The following MGMT variants were observed in gnomAD, a reference collection of about 807,000 sequenced individuals.
MGMT encodes O-6-methylguanine-DNA methyltransferase, also known as methylated-DNA--protein-cysteine methyltransferase.
Under a neutral mutation model 15.9 loss-of-function variants are expected in MGMT, and 14 were observed. That is an observed-to-expected ratio of 0.88 (90% confidence interval 0.58 to 1.37). The LOEUF (loss-of-function observed/expected upper bound fraction) is 1.37, where lower values mean the gene tolerates loss of function less well. Among genes scored for constraint, MGMT ranks in the 40% most tolerant of loss-of-function variants. MGMT has a pLI of 0.00. For missense variants in MGMT, 282 were observed against 268.1 expected (o/e 1.05, Z -0.36); for synonymous variants, 130 against 118.2 (o/e 1.10, Z -0.65).
At chr10:129,654,817 T>TG (rs1044277774) in intron 2 of MGMT, among the ~76,000 whole-genome samples, 12 of 151,714 alleles carry the variant, frequency 7.9e-5, no homozygotes, top group African/African-American at 2.7e-4. Flanking sequence ...TACCTGAGGG[T>TG]GGGGGGCTGT....
At chr10:129,683,449 C>G (rs1034096867) in intron 2 of MGMT, among the ~76,000 whole-genome samples, 2 of 152,092 alleles carry the variant, frequency 1.3e-5, no homozygotes, top group Admixed American at 1.3e-4. Context: ...TTAAGAATAG[C>G]CAAAGAGAAA....
rs185221406 is a variant in MGMT, at chr10:129,500,285, G to A, written c.-13+32989G>A. On this transcript the variant is annotated intron_variant, in intron 1 of 4. Coordinates refer to ENST00000651593, the MANE Select transcript of MGMT (RefSeq NM_002412.5). ...TGTGCTGTGGTGGGGTGAACTGGGC[G>A]GGGGATTCACACCAGCCTGGGCCCT... 1.0e-3 allele frequency among the ~76,000 whole-genome samples: 159 copies of A among 152,260 alleles called. 1 individual carries two copies. Among genetic ancestry groups the A allele is most frequent in the African/African-American group, 3.3e-3 (138 of 41,560 alleles).
intron 2 of MGMT, among the ~76,000 whole-genome samples, chr10:129,626,225 A>G (rs1847147466): frequency 6.6e-6 from 1 of 152,176 alleles, no homozygotes; most frequent in Non-Finnish European, 1.5e-5. Context: ...GGGATCAGGA[A>G]CATTTAGTAG....
intron 2 of MGMT, among the ~76,000 whole-genome samples, chr10:129,648,903 C>CTT (rs1197001270): frequency 6.6e-6 from 1 of 152,132 alleles, no homozygotes; most frequent in African/African-American, 2.4e-5. Context: ...TGGACACCAC[C>CTT]GCTTAAGCCC....
At chr10:129,528,645 G>T (rs1589851756) in intron 1 of MGMT, among the ~76,000 whole-genome samples, 1 of 152,032 alleles carries the variant, frequency 6.6e-6, no homozygotes, top group Non-Finnish European at 1.5e-5. Flanking sequence ...GTGGAGACTA[G>T]CCATGGAGAA....
chr10:129,525,122 TCA>T (rs895674339), intron 1 of MGMT, among the ~76,000 whole-genome samples: 1 of 151,798 alleles, frequency 6.6e-6, no homozygotes, highest in Non-Finnish European at 1.5e-5. Context: ...TCTATTTCTT[TCA>T]CACACACACA....
At chr10:129,728,081 G>T (rs543724295) in intron 3 of MGMT, among the ~76,000 whole-genome samples, 124 of 152,288 alleles carry the variant, frequency 8.1e-4, no homozygotes, top group African/African-American at 2.7e-3. Context: ...AGCCAGGCTG[G>T]ACTTGAACAG....
rs1000671934 is a variant in MGMT at position 129,488,524 on chromosome 10, C to T, written c.-13+21228C>T. On this transcript the variant is annotated intron_variant, in intron 1 of 4. Transcript: ENST00000651593. ...CAGTTTGTGGCCATGTTTTCATTCT[C>T]TTTATAGTGCCTTTTGATGGACAGG... 2.6e-5 allele frequency among the ~76,000 whole-genome samples: 4 copies of T among 152,276 alleles called. No homozygotes were observed. The East Asian group carries it at 7.7e-4, about 29-fold the overall frequency.
At chr10:129,472,987 G>T (rs997785359) in intron 1 of MGMT, among the ~76,000 whole-genome samples, 1 of 152,210 alleles carries the variant, frequency 6.6e-6, no homozygotes, top group Non-Finnish European at 1.5e-5. Flanking sequence ...AAAGGTTCAG[G>T]TGTGCCACAT....
At chr10:129,589,492 G>T (rs1001033996) in intron 2 of MGMT, among the ~76,000 whole-genome samples, 1 of 152,226 alleles carries the variant, frequency 6.6e-6, no homozygotes, top group Non-Finnish European at 1.5e-5. Flanking sequence ...GAAATAAAAT[G>T]TTGACATTTA....
At chr10:129,609,771 G>A (rs1446779205) in intron 2 of MGMT, among the ~76,000 whole-genome samples, 1 of 152,198 alleles carries the variant, frequency 6.6e-6, no homozygotes, top group Non-Finnish European at 1.5e-5. Context: ...GAGAGCGGAA[G>A]AGCAGGAGGA....
At chr10:129,499,428 G>A (rs990012500) in intron 1 of MGMT, among the ~76,000 whole-genome samples, 4 of 152,180 alleles carry the variant, frequency 2.6e-5, no homozygotes, top group African/African-American at 9.7e-5. Flanking sequence ...ATCCATGTTG[G>A]ATGTGGAAAA....
intron 2 of MGMT, among the ~76,000 whole-genome samples, chr10:129,548,339 T>C (rs1246728969): frequency 6.6e-6 from 1 of 152,226 alleles, no homozygotes; most frequent in South Asian, 2.1e-4. Context: ...TGTTTATCAT[T>C]CTTCTGAATT....
chr10:129,518,674 T>C (rs933379713), intron 1 of MGMT, among the ~76,000 whole-genome samples: 3 of 141,104 alleles, frequency 2.1e-5, no homozygotes, highest in African/African-American at 8.1e-5. Flanking sequence ...TAGGATTGTC[T>C]TAATAACTTT....
intron 1 of MGMT, among the ~76,000 whole-genome samples, chr10:129,491,274 C>T (rs1290522260): frequency 6.6e-6 from 1 of 152,116 alleles, no homozygotes; most frequent in African/African-American, 2.4e-5. Flanking sequence ...ATATGACATT[C>T]CATCGTCTTC....
chr10:129,733,130 C>T (rs1468678732), intron 3 of MGMT, among the ~76,000 whole-genome samples: 1 of 140,836 alleles, frequency 7.1e-6, no homozygotes, highest in Non-Finnish European at 1.5e-5. Context: ...GAGGAATCGC[C>T]ACACTGACTT....
At chr10:129,594,227 CT>C (rs1846724378) in intron 2 of MGMT, among the ~76,000 whole-genome samples, 1 of 152,126 alleles carries the variant, frequency 6.6e-6, no homozygotes, top group African/African-American at 2.4e-5. Context: ...TGGGCTTAAG[CT>C]TTCCTTTTGC....
chr10:129,688,261 G>A (rs73390735), intron 2 of MGMT, among the ~76,000 whole-genome samples: 12 of 152,276 alleles, frequency 7.9e-5, no homozygotes, highest in South Asian at 4.1e-4. Flanking sequence ...TTGAGGAATC[G>A]CCACACTGAC....
intron 2 of MGMT, among the ~76,000 whole-genome samples, chr10:129,643,066 A>T (rs1011464077): frequency 6.6e-6 from 1 of 152,170 alleles, no homozygotes; most frequent in Non-Finnish European, 1.5e-5. Context: ...TGACTTACGG[A>T]TGGAAAAGGG....
Sources: allele counts gnomAD v4.1 joint callset (sites outside exome capture counted in the v4.1 genomes callset), GRCh38; gene constraint gnomAD v4.1.1; transcripts MANE v1.5; gene names NCBI Gene and HGNC (gene_info 2026-07-23, HGNC 2026-07-21).